Variants in ARL14EPL observed in about 807,000 individuals in gnomAD.
ARL14EPL encodes ARF like GTPase 14 effector protein like, also known as ARL14 effector protein-like.
Under a neutral mutation model 15.9 loss-of-function variants are expected in ARL14EPL, and 17 were observed. That is an observed-to-expected ratio of 1.07 (90% confidence interval 0.73 to 1.60). The LOEUF is 1.60. ARL14EPL is among the 40% of genes most tolerant of loss of function. The pLI, the probability that ARL14EPL is intolerant of heterozygous loss-of-function variation, is 0.00. For synonymous variants in ARL14EPL, 78 were observed against 63.8 expected (o/e 1.22, Z -1.06); for missense variants, 214 against 185.9 (o/e 1.15, Z -0.88).
At chr5:116,046,114 A>G (rs969980733) in intron 1 of ARL14EPL, among the ~76,000 whole-genome samples, 1 of 152,190 alleles carries the variant, frequency 6.6e-6, no homozygotes, top group African/African-American at 2.4e-5. Flanking sequence ...TAGCAAGTAT[A>G]GGAACTCAGA....
chr5:116,058,963 GAC>G lies in ARL14EPL; in HGVS notation c.*17_*18del. Reference sequence around the variant, plus strand: ...TCCTGACTAGGTGCTCTTGTATATGGACTGATTTGTTTCTTCTTCTTACACAT... The same window carrying G: ...TCCTGACTAGGTGCTCTTGTATATGGTGATTTGTTTCTTCTTCTTACACAT... On this transcript the variant is annotated 3_prime_UTR_variant, in exon 4 of 4. Transcript: ENST00000686077. The G allele has an allele frequency of 2.0e-6, 3 of 1,529,558 alleles. No homozygotes were observed. Among genetic ancestry groups the G allele is most frequent in the Non-Finnish European group, 8.8e-7 (1 of 1,141,192 alleles). 94.7% of individuals were successfully genotyped at this position (1,529,558 alleles called of 1,614,324 possible). A position where few individuals can be genotyped will look rare whatever the true frequency, so the allele number is the denominator to read the frequency against.
At chr5:116,057,632 G>A (rs895506334) in intron 3 of ARL14EPL, among the ~76,000 whole-genome samples, 1 of 152,184 alleles carries the variant, frequency 6.6e-6, no homozygotes, top group African/African-American at 2.4e-5. Flanking sequence ...CACAAATAAA[G>A]TACTTCAAAA....
At chr5:116,055,755 C>A (rs1168687350) in intron 3 of ARL14EPL, among the ~76,000 whole-genome samples, 1 of 151,950 alleles carries the variant, frequency 6.6e-6, no homozygotes, top group African/African-American at 2.4e-5. Flanking sequence ...CCATTAACTC[C>A]TCATTTACAT....
chr5:116,056,930 C>A (rs961041781), intron 3 of ARL14EPL, among the ~76,000 whole-genome samples: 1 of 152,150 alleles, frequency 6.6e-6, no homozygotes, highest in East Asian at 1.9e-4. Context: ...TTTTATGAGG[C>A]CAGCATCATC....
At chr5:116,057,933 G>A (rs907765381) in intron 3 of ARL14EPL, among the ~76,000 whole-genome samples, 18 of 152,184 alleles carry the variant, frequency 1.2e-4, no homozygotes, top group African/African-American at 4.3e-4. Context: ...AGGTTTTGAA[G>A]CAACTCAGTT....
intron 1 of ARL14EPL, 90 bp from the exon 2 acceptor site, chr5:116,051,367 C>A (rs2560701): frequency 3.9e-6 from 3 of 777,386 alleles, no homozygotes; most frequent in African/African-American, 3.5e-5. Flanking sequence ...TAAAGTGAGA[C>A]GTGTAGGGAG....
intron 1 of ARL14EPL, among the ~76,000 whole-genome samples, chr5:116,042,177 C>T (rs1387978431): frequency 6.6e-6 from 1 of 152,116 alleles, no homozygotes; most frequent in Non-Finnish European, 1.5e-5. Context: ...CACACTAGTC[C>T]CTCCGCCCGC....
intron 1 of ARL14EPL, among the ~76,000 whole-genome samples, chr5:116,041,984 A>G (rs532141189): frequency 4.6e-5 from 7 of 152,106 alleles, no homozygotes; most frequent in Non-Finnish European, 7.4e-5. Context: ...ATGAGCCACT[A>G]TGCTCGGCTA....
At chr5:116,035,893 C>A (rs929485647) in intron 1 of ARL14EPL, among the ~76,000 whole-genome samples, 1 of 152,156 alleles carries the variant, frequency 6.6e-6, no homozygotes, top group Non-Finnish European at 1.5e-5. Context: ...CAGCCACTGC[C>A]GGAAGGAAAA....
intron 2 of ARL14EPL, chr5:116,052,286 G>A: frequency 6.9e-7 from 1 of 1,440,124 alleles, no homozygotes; most frequent in Non-Finnish European, 9.8e-7. Flanking sequence ...GGGCGGCATT[G>A]CGAAGCTCGG....
chr5:116,058,869 C>T lies in ARL14EPL; in HGVS notation c.381C>T (p.Asn127=). ...AGTGTGGGCCCGAGTGCCGCTGCAA[C>T]CGACGGTGGGTTTACGATGCCATCG... is the stretch of plus-strand genomic sequence containing the variant. ...SNKCGPECRC[N]RRWVYDAIVT... The change falls in exon 4 of 4, where the codon AAC becomes AAT. Residue 127 remains asparagine (N), a synonymous_variant. Coordinates refer to ENST00000686077, the MANE Select transcript of ARL14EPL (RefSeq NM_001195581.2). 1 of 1,536,102 alleles carries T rather than the reference C, an allele frequency of 6.5e-7. No homozygotes were observed. The highest frequency in any genetic ancestry group is 8.7e-7 in the Non-Finnish European group (1 of 1,146,906).
intron 2 of ARL14EPL, chr5:116,052,073 A>G: frequency 6.2e-7 from 1 of 1,611,882 alleles, no homozygotes; most frequent in Non-Finnish European, 8.5e-7. Flanking sequence ...CTCAGAGACC[A>G]CAGCTGGGGT....
chr5:116,058,715 TC>T lies in ARL14EPL; in HGVS notation c.237-8del. ...CACTGTCATCTTAATGTCATGCTTT[TC>T]CTTTGTAGAATAATGAGGAAGTATG... On this transcript the variant is annotated splice_polypyrimidine_tract_variant and intron_variant, in intron 3 of 3. Transcript: ENST00000686077. 6.5e-7 allele frequency: 1 copy of T among 1,532,994 alleles called. No individual in the cohort carries two copies. Among genetic ancestry groups the T allele is most frequent in the Non-Finnish European group, 8.7e-7 (1 of 1,145,438 alleles). 95.0% of individuals were successfully genotyped at this position (1,532,994 alleles called of 1,614,324 possible).
At chr5:116,052,329 A>G in intron 2 of ARL14EPL, 1 of 935,374 alleles carries the variant, frequency 1.1e-6, no homozygotes, top group Non-Finnish European at 1.8e-6. Flanking sequence ...CCTTGCAAAG[A>G]TGTCGGACAA....
At chr5:116,054,292 G>C in intron 3 of ARL14EPL, 139 bp downstream of exon 3, 1 of 964,804 alleles carries the variant, frequency 1.0e-6, no homozygotes, top group Non-Finnish European at 1.4e-6. Context: ...GTACCCATGT[G>C]TCTGGACGTT....
At position 116,052,058 on chromosome 5, in the gene ARL14EPL, A is replaced by G. The variant is rs184219795; in HGVS notation, c.96+497A>G. On this transcript the variant is annotated intron_variant, in intron 2 of 3. Coordinates refer to ENST00000686077, the MANE Select transcript of ARL14EPL (RefSeq NM_001195581.2). ...CCTGGCCAGGGAGCCTCGAATCTTC[A>G]GTCTCTCAGAGACCACAGCTGGGGT... The G allele has an allele frequency of 7.6e-5, 123 of 1,613,030 alleles. 1 individual carries two copies. The African/African-American group carries it at 1.5e-3, about 20-fold the overall frequency.
At chr5:116,046,489 C>T (rs2112673715) in intron 1 of ARL14EPL, among the ~76,000 whole-genome samples, 1 of 152,300 alleles carries the variant, frequency 6.6e-6, no homozygotes, top group East Asian at 1.9e-4. Flanking sequence ...ACCTGTGCCT[C>T]AGAGTGAGTG....
At chr5:116,034,406 G>A (rs1224942227) in intron 1 of ARL14EPL, among the ~76,000 whole-genome samples, 1 of 152,164 alleles carries the variant, frequency 6.6e-6, no homozygotes, top group African/African-American at 2.4e-5. Context: ...TAGCACTAGA[G>A]GGTGGCCTCA....
chr5:116,046,237 A>T (rs1400123176), intron 1 of ARL14EPL, among the ~76,000 whole-genome samples: 1 of 152,208 alleles, frequency 6.6e-6, no homozygotes, highest in African/African-American at 2.4e-5. Context: ...GTGTCCCTGA[A>T]TAAGTGGCAT....
Sources: gnomAD v4.1 joint callset for allele counts (sites outside exome capture counted in the v4.1 genomes callset) on GRCh38, gnomAD v4.1.1 for gene constraint, MANE v1.5 for transcripts, NCBI Gene and HGNC (gene_info 2026-07-23, HGNC 2026-07-21) for gene names.